GLS: variants seen among roughly 807,000 people sequenced by gnomAD.
The protein encoded by GLS is glutaminase kidney isoform, mitochondrial.
Under a neutral mutation model 86.7 loss-of-function variants are expected in GLS, and 36 were observed. The ratio of observed to expected loss-of-function variants is 0.42; its 90% confidence interval spans 0.32 to 0.55. The LOEUF (loss-of-function observed/expected upper bound fraction) is 0.55, where lower values mean the gene tolerates loss of function less well. GLS is among the 20% of genes least tolerant of loss of function. The pLI, the probability that GLS is intolerant of heterozygous loss-of-function variation, is 0.17. For missense variants in GLS, 528 were observed against 833.4 expected, an observed-to-expected ratio of 0.63 and a Z score of 4.51; for synonymous variants, 317 against 305.9, an observed-to-expected ratio of 1.04 and a Z score of -0.38.
chr2:190,940,479 A>C (rs2124930448), intron 14 of GLS, among the ~76,000 whole-genome samples: 1 of 152,206 alleles, frequency 6.6e-6, no homozygotes, highest in Non-Finnish European at 1.5e-5. Flanking sequence ...GATAACCAAA[A>C]AAATAACTTC....
At position 190,955,608 on chromosome 2, in the gene GLS, T is replaced by G. The variant is rs750840373; in HGVS notation, c.1853+790T>G. On this transcript the variant is annotated intron_variant, in intron 17 of 17. Coordinates refer to ENST00000320717, the MANE Select transcript of GLS (RefSeq NM_014905.5). This position sits in a 1 kb window ranked among gnomAD's most constrained non-coding sequence, Gnocchi z 5.6. The stretch of plus-strand genomic sequence containing the variant: ...AAACATACATGTGCATGTGTCTTTA[T>G]AGTAGAATGATTTATAATCTTTTGG... 6.6e-6 allele frequency among the ~76,000 whole-genome samples: 1 copy of G among 152,226 alleles called. No individual in the cohort carries two copies. Among genetic ancestry groups the G allele is most frequent in the African/African-American group, 2.4e-5 (1 of 41,452 alleles).
chr2:190,933,000 T>C (rs1690158159), intron 14 of GLS: 1 of 1,192,700 alleles, frequency 8.4e-7, no homozygotes, highest in Non-Finnish European at 1.0e-6. Context: ...AGCTTTTTTT[T>C]CCTTTTAATC....
At chr2:190,933,001 CCTT>C in intron 14 of GLS, 1 of 1,188,064 alleles carries the variant, frequency 8.4e-7, no homozygotes. Flanking sequence ...GCTTTTTTTT[CCTT>C]TTAATCTTTG....
At chr2:190,945,627 G>A (rs545806564) in intron 14 of GLS, among the ~76,000 whole-genome samples, 64 of 151,468 alleles carry the variant, frequency 4.2e-4, no homozygotes, top group Admixed American at 1.6e-3. Context: ...ATTGCAGCAC[G>A]GCACTCCAGT....
chr2:190,889,416 A>G (rs1688494590), intron 1 of GLS, among the ~76,000 whole-genome samples: 1 of 152,208 alleles, frequency 6.6e-6, no homozygotes, highest in Non-Finnish European at 1.5e-5. Flanking sequence ...TCACTCCCTT[A>G]GAAGGCAGCC....
At chr2:190,925,912 A>T (rs1322357533) in intron 11 of GLS, among the ~76,000 whole-genome samples, 1 of 152,182 alleles carries the variant, frequency 6.6e-6, no homozygotes, top group Non-Finnish European at 1.5e-5. Flanking sequence ...ATGAGATGAT[A>T]TGTGAAATTC....
chr2:190,904,953 T>TA (rs1689081708), intron 5 of GLS, 51 bp from the exon 6 acceptor site: 1 of 1,028,142 alleles, frequency 9.7e-7, no homozygotes, highest in East Asian at 2.4e-5. Context: ...ACTATGCAGT[T>TA]ACATTTTTTT....
intron 14 of GLS, among the ~76,000 whole-genome samples, chr2:190,936,456 G>A (rs897102484): frequency 2.6e-5 from 4 of 151,066 alleles, no homozygotes; most frequent in Admixed American, 6.6e-5. Context: ...TGTGTACTAT[G>A]TATAAATTAT....
At position 190,921,910 on chromosome 2, in the gene GLS, A is replaced by G. The variant is rs1689750167; in HGVS notation, c.1130+707A>G. On this transcript the variant is annotated intron_variant, in intron 9 of 17. Coordinates refer to ENST00000320717, the MANE Select transcript of GLS (RefSeq NM_014905.5). The surrounding 1 kb of genome is among the most constrained non-coding windows in gnomAD (Gnocchi z 4.2). ...TTATTATTATTTTTTAGATTCAGGA[A>G]CAAATCAAGGTTCTTACATTGTATT... 6.6e-6 allele frequency among the ~76,000 whole-genome samples: 1 copy of G among 152,116 alleles called. No individual in the cohort carries two copies. The highest frequency in any genetic ancestry group is 2.4e-5 in the African/African-American group (1 of 41,446).
chr2:190,881,649 C>T (rs954258204), intron 1 of GLS, 179 bp downstream of exon 1: 3 of 577,506 alleles, frequency 5.2e-6, no homozygotes, highest in African/African-American at 2.0e-5. Flanking sequence ...CCCGCGCCTT[C>T]CCCGCCCGCA....
chr2:190,964,953 T>C lies in GLS; in HGVS notation c.*1967T>C, dbSNP rs1285389439. On this transcript the variant is annotated 3_prime_UTR_variant, in exon 18 of 18. Transcript: ENST00000320717. This position sits in a 1 kb window ranked among gnomAD's most constrained non-coding sequence, Gnocchi z 5.2. ...TGGGAACAAAGAGAGTTTTCATCTT[T>C]TTTCAGATCAAAACCATTCTGTAAA... 6.6e-6 allele frequency: 1 copy of C among 152,202 alleles called. No homozygotes were observed. Among genetic ancestry groups the C allele is most frequent in the Admixed American group, 6.5e-5 (1 of 15,280 alleles). 9.4% of individuals were successfully genotyped at this position (152,202 alleles called of 1,614,324 possible). A position where few individuals can be genotyped will look rare whatever the true frequency, so the allele number is the denominator to read the frequency against.
At chr2:190,906,356 T>A (rs979145850) in intron 6 of GLS, among the ~76,000 whole-genome samples, 18 of 152,016 alleles carry the variant, frequency 1.2e-4, no homozygotes, top group African/African-American at 3.4e-4. Context: ...AAAACAAATA[T>A]AGTAATTTGA....
chr2:190,917,099 ATGCAATGCTGTTTGACAGCATTT>A (rs1689562690), intron 7 of GLS, among the ~76,000 whole-genome samples: 1 of 152,234 alleles, frequency 6.6e-6, no homozygotes, highest in Admixed American at 6.5e-5. Context: ...TCTCTGTAGC[ATGCAATGCTGTTTGACAGCATTT>A]TACTCAGAGT....
intron 14 of GLS, chr2:190,934,818 G>C (rs989457972): frequency 5.2e-6 from 5 of 970,346 alleles, no homozygotes; most frequent in Non-Finnish European, 6.1e-6. Context: ...ACTGTGTTTA[G>C]AAAATGTTAA....
Position 190,951,286 on chromosome 2 carries a change from G to T in GLS, c.1651-2279G>T, listed in dbSNP as rs1690712299. Among the ~76,000 whole-genome samples, 1 of 152,136 alleles carries T rather than the reference G, an allele frequency of 6.6e-6. No homozygotes were observed. Among genetic ancestry groups the T allele is most frequent in the Non-Finnish European group, 1.5e-5 (1 of 68,026 alleles). ...GGAATCAGGGCTTAGGAAGCTGCTG[G>T]AGCTTTGGAGAGCGCTGTTTAGAGG... On this transcript the variant is annotated intron_variant, in intron 14 of 17. Transcript: ENST00000320717. The surrounding 1 kb of genome is among the most constrained non-coding windows in gnomAD (Gnocchi z 4.2).
At chr2:190,912,752 T>C (rs1237546384) in intron 7 of GLS, among the ~76,000 whole-genome samples, 3 of 152,220 alleles carry the variant, frequency 2.0e-5, no homozygotes, top group Non-Finnish European at 4.4e-5. Context: ...GCCATTTCTC[T>C]TGATGACATC....
chr2:190,960,576 A>G (rs947103457), intron 17 of GLS, among the ~76,000 whole-genome samples: 5 of 151,298 alleles, frequency 3.3e-5, no homozygotes. Context: ...GAATCTTACT[A>G]TGTTGCCCAA....
intron 7 of GLS, among the ~76,000 whole-genome samples, chr2:190,915,039 C>T (rs1296771316): frequency 2.7e-5 from 4 of 149,592 alleles, no homozygotes; most frequent in South Asian, 2.1e-4. Context: ...TTTTTTGAGA[C>T]GAAGTCTTGC....
chr2:190,898,565 T>C (rs528151936), intron 3 of GLS, among the ~76,000 whole-genome samples: 1 of 152,354 alleles, frequency 6.6e-6, no homozygotes, highest in South Asian at 2.1e-4. Context: ...TTGGAACAGC[T>C]TTACCAGCAC....
Sources: allele counts gnomAD v4.1 joint callset (sites outside exome capture counted in the v4.1 genomes callset), GRCh38; gene constraint gnomAD v4.1.1; non-coding constraint Gnocchi (gnomAD v3.1); transcripts MANE v1.5; gene names NCBI Gene and HGNC (gene_info 2026-07-23, HGNC 2026-07-21).